MSRA: variants seen among roughly 807,000 people sequenced by gnomAD.
MSRA encodes the protein methionine sulfoxide reductase A.
In MSRA, 54 loss-of-function variants were observed where a neutral mutation model predicts 31.3. The observed-to-expected ratio is 1.73, with a 90% CI of 1.39 to 2.17. MSRA has a LOEUF of 2.17. MSRA is among the 30% of genes most tolerant of loss of function. The pLI is 0.00. For synonymous variants in MSRA, 169 were observed against 116.5 expected, an observed-to-expected ratio of 1.45 and a Z score of -2.90; for missense variants, 507 against 300.9, an observed-to-expected ratio of 1.69 and a Z score of -5.07.
intron 3 of MSRA, among the ~76,000 whole-genome samples, chr8:10,288,488 C>G (rs1024322958): frequency 6.6e-6 from 1 of 152,160 alleles, no homozygotes; most frequent in African/African-American, 2.4e-5. Flanking sequence ...TCTTAAGCCT[C>G]AGTTGCTTGT....
chr8:10,246,736 T>C (rs559477430), intron 3 of MSRA, among the ~76,000 whole-genome samples: 3 of 152,328 alleles, frequency 2.0e-5, no homozygotes, highest in Non-Finnish European at 4.4e-5. Flanking sequence ...CATGTTCTTA[T>C]TTTTTCTTGC....
At chr8:10,151,403 G>A (rs1431271893) in intron 1 of MSRA, among the ~76,000 whole-genome samples, 2 of 152,170 alleles carry the variant, frequency 1.3e-5, no homozygotes, top group Non-Finnish European at 2.9e-5. Context: ...CAGCATTTTG[G>A]GAGGCTGAGG....
At chr8:10,190,647 C>G (rs114144896) in intron 1 of MSRA, among the ~76,000 whole-genome samples, 1 of 152,152 alleles carries the variant, frequency 6.6e-6, no homozygotes, top group African/African-American at 2.4e-5. Flanking sequence ...CACGTAGTTA[C>G]TATTTTATTG....
chr8:10,056,524 CT>C (rs58900236), intron 1 of MSRA, among the ~76,000 whole-genome samples: 30,623 of 138,134 alleles, frequency 0.22, 3,272 homozygotes, highest in Admixed American at 0.31. Context: ...GGCCAGTAAA[CT>C]TTTTTTTTTT....
At chr8:10,233,229 C>G (rs1292857975) in intron 2 of MSRA, among the ~76,000 whole-genome samples, 5 of 152,228 alleles carry the variant, frequency 3.3e-5, no homozygotes, top group Non-Finnish European at 5.9e-5. Context: ...ACTCTAATCA[C>G]CTTCGTGTAG....
intron 3 of MSRA, among the ~76,000 whole-genome samples, chr8:10,248,191 A>G (rs532109748): frequency 1.3e-5 from 2 of 152,352 alleles, no homozygotes; most frequent in South Asian, 2.1e-4. Context: ...TCTGCTTGCA[A>G]TTAAGTTTGT....
intron 1 of MSRA, among the ~76,000 whole-genome samples, chr8:10,142,841 G>A (rs184933899): frequency 6.6e-6 from 1 of 152,190 alleles, no homozygotes; most frequent in African/African-American, 2.4e-5. Context: ...CTTATTGCCT[G>A]GTTTTTGAAA....
intron 5 of MSRA, among the ~76,000 whole-genome samples, chr8:10,335,925 G>C (rs1327785987): frequency 1.6e-4 from 24 of 152,176 alleles, no homozygotes; most frequent in Admixed American, 1.6e-3. Flanking sequence ...ATACGTACAT[G>C]GGGGAGCCCA....
At chr8:10,192,831 C>T (rs533739529) in intron 1 of MSRA, among the ~76,000 whole-genome samples, 12 of 151,542 alleles carry the variant, frequency 7.9e-5, no homozygotes, top group Non-Finnish European at 1.6e-4. Flanking sequence ...GGAGGCCCTT[C>T]TGGGCAAGTT....
At chr8:10,090,478 C>T (rs1299977810) in intron 1 of MSRA, among the ~76,000 whole-genome samples, 1 of 152,108 alleles carries the variant, frequency 6.6e-6, no homozygotes, top group Non-Finnish European at 1.5e-5. Context: ...GTGAGTTTAT[C>T]TTGGGTTGTA....
At chr8:10,188,989 T>G (rs576416902) in intron 1 of MSRA, among the ~76,000 whole-genome samples, 3 of 152,232 alleles carry the variant, frequency 2.0e-5, no homozygotes, top group Non-Finnish European at 4.4e-5. Flanking sequence ...GTCTTTCAGT[T>G]TATGAACATG....
chr8:10,118,405 C>G (rs1800842778), intron 1 of MSRA, among the ~76,000 whole-genome samples: 1 of 152,132 alleles, frequency 6.6e-6, no homozygotes, highest in African/African-American at 2.4e-5. Context: ...CATAAATAAG[C>G]ACAGAAGATG....
intron 5 of MSRA, among the ~76,000 whole-genome samples, chr8:10,360,668 C>T (rs1334010387): frequency 6.6e-6 from 1 of 152,208 alleles, no homozygotes; most frequent in African/African-American, 2.4e-5. Context: ...GGTTTGAACT[C>T]CAGCCCCAAA....
chr8:10,134,685 G>A (rs1041040593), intron 1 of MSRA, among the ~76,000 whole-genome samples: 2 of 152,218 alleles, frequency 1.3e-5, no homozygotes, highest in African/African-American at 4.8e-5. Flanking sequence ...GTGGTGACAG[G>A]AAACAGTCCG....
intron 5 of MSRA, among the ~76,000 whole-genome samples, chr8:10,397,106 A>G (rs1422622807): frequency 2.0e-5 from 3 of 152,206 alleles, no homozygotes; most frequent in Admixed American, 6.5e-5. Flanking sequence ...TTTAGCAACT[A>G]TATAGGACTC....
Position 10,337,950 on chromosome 8 carries a change from A to G in MSRA, c.543+17961A>G. ...AGACTAATAAGACTTGGAAGTAGGG[A>G]GGTAAACTGGGTGGCCCAGGAAAGC... On this transcript the variant is annotated intron_variant, in intron 5 of 5. Coordinates refer to ENST00000317173, the MANE Select transcript of MSRA (RefSeq NM_012331.5). The G allele has an allele frequency of 4.8e-6, 3 of 626,634 alleles. No homozygotes were observed. In the South Asian group the frequency reaches 5.6e-5, roughly 12 times the overall value. 38.8% of individuals were successfully genotyped at this position (626,634 alleles called of 1,614,324 possible). A position where few individuals can be genotyped will look rare whatever the true frequency, so the allele number is the denominator to read the frequency against.
At chr8:10,255,924 C>T (rs937668131) in intron 3 of MSRA, among the ~76,000 whole-genome samples, 2 of 152,120 alleles carry the variant, frequency 1.3e-5, no homozygotes, top group Non-Finnish European at 2.9e-5. Flanking sequence ...CCCATCCCCC[C>T]ACCATGCCCG....
chr8:10,416,159 A>G (rs1037299077), intron 5 of MSRA, among the ~76,000 whole-genome samples: 2 of 152,100 alleles, frequency 1.3e-5, no homozygotes, highest in African/African-American at 4.8e-5. Flanking sequence ...AATTGCCCGT[A>G]CACTCTTCTG....
At chr8:10,407,334 G>A (rs1427261426) in intron 5 of MSRA, among the ~76,000 whole-genome samples, 2 of 152,202 alleles carry the variant, frequency 1.3e-5, no homozygotes, top group African/African-American at 2.4e-5. Flanking sequence ...TTAGGGTCAT[G>A]ACATGAGTCA....
Sources: allele counts gnomAD v4.1 joint callset (sites outside exome capture counted in the v4.1 genomes callset), GRCh38; gene constraint gnomAD v4.1.1; transcripts MANE v1.5; gene names NCBI Gene and HGNC (gene_info 2026-07-23, HGNC 2026-07-21).